The following PLPPR3 variants were observed in gnomAD, a reference collection of about 807,000 sequenced individuals.
The protein encoded by PLPPR3 is phospholipid phosphatase-related protein type 3.
In PLPPR3, 14 loss-of-function variants were observed where a neutral mutation model predicts 27.3. That is an observed-to-expected ratio of 0.51 (90% CI 0.34 to 0.80). PLPPR3 has a LOEUF of 0.80. Ranked by LOEUF, PLPPR3 falls within the 30% of genes least tolerant of loss-of-function variation. The pLI is 0.01. For missense variants in PLPPR3, 1,287 were observed against 1,056.9 expected (o/e 1.22, Z -3.02); for synonymous variants, 671 against 508.0 (o/e 1.32, Z -4.32).
Position 815,007 on chromosome 19 carries a change from G to A in PLPPR3, c.478C>T (p.Pro160Ser). 2 of 1,611,804 alleles carry A rather than the reference G, an allele frequency of 1.2e-6. No homozygotes were observed. The highest frequency in any genetic ancestry group is 1.1e-5 in the South Asian group (1 of 91,084). ...VIQLATGYHT[P>S]FFLTVCKPNY... ...GGCTTGCAGACGGTGAGGAAGAAGG[G>A]AGTGTGGTAACCCGTGGCCAGCTGG... Residue 160 changes from proline (P) to serine (S), a missense_variant, in exon 5 of 8, where the codon CCC (proline) becomes TCC (serine). Pro to Ser is a moderately conservative substitution (Grantham distance 74). Coordinates refer to ENST00000520876, the MANE Select transcript of PLPPR3 (RefSeq NM_001270366.2).
rs1387861933 is a variant in PLPPR3 at position 813,875 on chromosome 19, G to A, written c.852C>T (p.Asn284=). 2 of 1,440,982 alleles carry A rather than the reference G, an allele frequency of 1.4e-6. No homozygotes were observed. Among genetic ancestry groups the A allele is most frequent in the Admixed American group, 2.8e-5 (1 of 35,514 alleles). The allele number at this position is 1,440,982 out of a possible 1,614,324, so 89.3% of individuals were successfully genotyped here. Residue 284 remains asparagine, a synonymous_variant, in exon 8 of 8, where the codon AAC becomes AAT. Coordinates refer to ENST00000520876, the MANE Select transcript of PLPPR3 (RefSeq NM_001270366.2). The surrounding 1 kb of genome is among the most constrained non-coding windows in gnomAD (Gnocchi z 4.1). ...AAYLACHAVG[N]FQAPPAEKPA... ...GCTTCTCTGCAGGTGGGGCCTGGAAGTTGCCCACCGCGTGGCAGGCCTGTC... is the reference window on the plus strand; with the variant it reads ...GCTTCTCTGCAGGTGGGGCCTGGAAATTGCCCACCGCGTGGCAGGCCTGTC...
chr19:813,542 G>A lies in PLPPR3; in HGVS notation c.1185C>T (p.Ile395=), dbSNP rs1430371780. Residue 395 remains isoleucine, a synonymous_variant, in exon 8 of 8, where the codon ATC becomes ATT. Coordinates refer to ENST00000520876, the MANE Select transcript of PLPPR3 (RefSeq NM_001270366.2). This position sits in a 1 kb window ranked among gnomAD's most constrained non-coding sequence, Gnocchi z 4.1. ...AGCGCGAGGCGTCCAGCGGCACGTG[G>A]ATGGTCATGTGGCGGCGCGCGGGGT... The part of the protein sequence containing the change: ...LDDPARRHMT[I]HVPLDASRSK... The A allele has an allele frequency of 5.1e-6, 8 of 1,563,118 alleles. No individual in the cohort carries two copies. Among genetic ancestry groups the A allele is most frequent in the Non-Finnish European group, 6.9e-6 (8 of 1,156,042 alleles).
Position 812,539 on chromosome 19 carries a change from C to CCGG in PLPPR3, c.*30_*31insCCG. The CCGG allele has an allele frequency of 1.0e-6, 1 of 958,534 alleles. No individual in the cohort carries two copies. Among genetic ancestry groups the CCGG allele is most frequent in the Non-Finnish European group, 1.2e-6 (1 of 803,926 alleles). The allele number at this position is 958,534 out of a possible 1,614,324, so 59.4% of individuals were successfully genotyped here. On this transcript the variant is annotated 3_prime_UTR_variant, in exon 8 of 8. Transcript: ENST00000520876. ...CCGCGCGGCCGCCCGCGCCCTCGGCCCGCCCCCCGCCCGCCCCCGGCCCCG... is the reference window on the plus strand; with the variant it reads ...CCGCGCGGCCGCCCGCGCCCTCGGCCCGGCGCCCCCCGCCCGCCCCCGGCCCCG...
chr19:815,528 C>T (rs369617782), intron 3 of PLPPR3, 138 bp downstream of exon 3: 12 of 1,106,334 alleles, frequency 1.1e-5, no homozygotes, highest in Admixed American at 8.0e-5. Flanking sequence ...GCAGTGGCTG[C>T]GGTGCCCACA....
chr19:823,446 A>AAAAAAACAAAC (rs1555703854), upstream of PLPPR3, among the ~76,000 whole-genome samples: 23 of 84,268 alleles, frequency 2.7e-4, 1 homozygote, highest in African/African-American at 2.0e-3. Flanking sequence ...TATCTCAAAA[A>AAAAAAACAAAC]AAAAAAAAAA....
chr19:814,639 TC>T, intron 6 of PLPPR3, 32 bp from the exon 7 acceptor site: 1 of 1,610,210 alleles, frequency 6.2e-7, no homozygotes, highest in Non-Finnish European at 8.5e-7. Flanking sequence ...CAGGGAGGGC[TC>T]CCCACGGGTC....
intron 2 of PLPPR3, among the ~76,000 whole-genome samples, chr19:818,048 CG>C (rs1405360093): frequency 3.3e-5 from 5 of 152,034 alleles, no homozygotes; most frequent in Non-Finnish European, 5.9e-5. Context: ...GCATCAAGCC[CG>C]GGGAGGGTCT....
In PLPPR3 at chr19:815,264, G is replaced by A. The variant is rs761206323; in HGVS notation, c.325C>T (p.Pro109Ser). 1.2e-5 allele frequency: 18 copies of A among 1,562,876 alleles called. No individual in the cohort carries two copies. Among genetic ancestry groups the A allele is most frequent in the Non-Finnish European group, 1.6e-5 (18 of 1,156,702 alleles). The change falls in exon 4 of 8, where the codon CCC (proline) becomes TCC (serine). Residue 109 changes from proline (P) to serine (S), a missense_variant. Physicochemically the swap from Pro to Ser is moderately conservative, Grantham distance 74. Coordinates refer to ENST00000520876, the MANE Select transcript of PLPPR3 (RefSeq NM_001270366.2). Reference sequence around the variant, plus strand: ...TTGATGCTGCCCTCCGCCCCGGCGGGCCCCCCGGCACGGCCCCACAGCCGG... The same window carrying A: ...TTGATGCTGCCCTCCGCCCCGGCGGACCCCCCGGCACGGCCCCACAGCCGG... Reference protein sequence around the residue: ...QSRLWGRAGGPAGAEGSINAG... With the variant: ...QSRLWGRAGGSAGAEGSINAG...
chr19:820,579 G>C (rs937691922), intron 2 of PLPPR3, among the ~76,000 whole-genome samples: 2 of 151,878 alleles, frequency 1.3e-5, no homozygotes, highest in Non-Finnish European at 2.9e-5. Flanking sequence ...GAGTGCAGTG[G>C]CATGATCTCT....
rs79510915 is a variant in PLPPR3 at position 814,382 on chromosome 19, C to G, written c.831+52G>C. 1.2e-3 allele frequency: 1,847 copies of G among 1,520,842 alleles called. 20 individuals carry two copies. The African/African-American group carries it at 0.022, about 18-fold the overall frequency. 94.2% of individuals were successfully genotyped at this position (1,520,842 alleles called of 1,614,324 possible). A position where few individuals can be genotyped will look rare whatever the true frequency, so the allele number is the denominator to read the frequency against. ...GCCCTGTGGGCACTCATGCCTCCCC[C>G]CTCAGATCCCCTGGGAACCCATGCC... is the stretch of plus-strand genomic sequence containing the variant. On this transcript the variant is annotated intron_variant, in intron 7 of 7. Transcript: ENST00000520876.
chr19:812,865 A>G lies in PLPPR3; in HGVS notation c.1862T>C (p.Leu621Pro). 8.5e-7 allele frequency: 1 copy of G among 1,176,014 alleles called. No individual in the cohort carries two copies. Among genetic ancestry groups the G allele is most frequent in the East Asian group, 4.9e-5 (1 of 20,304 alleles). 72.8% of individuals were successfully genotyped at this position (1,176,014 alleles called of 1,614,324 possible). A position where few individuals can be genotyped will look rare whatever the true frequency, so the allele number is the denominator to read the frequency against. ...AKAEADGGYE[L>P]GDLARGFRGG... ...GCGGAAGCCGCGCGCCAGGTCCCCC[A>G]GCTCGTAGCCGCCGTCGGCCTCCGC... Residue 621 changes from leucine (L) to proline (P), a missense_variant, in exon 8 of 8, where the codon CTG becomes CCG. Physicochemically the swap from Leu to Pro is moderately conservative, Grantham distance 98. Transcript: ENST00000520876.
At chr19:821,081 G>A (rs2035136459) in intron 2 of PLPPR3, among the ~76,000 whole-genome samples, 2 of 152,172 alleles carry the variant, frequency 1.3e-5, no homozygotes, top group African/African-American at 4.8e-5. Context: ...TAGGGGCAGG[G>A]CACCAGCCTC....
chr19:814,337 G>C, intron 7 of PLPPR3, 97 bp downstream of exon 7: 2 of 1,251,098 alleles, frequency 1.6e-6, no homozygotes, highest in East Asian at 2.6e-5. Context: ...TCAGACCCCT[G>C]GGCCAGCCTC....
Position 814,954 on chromosome 19 carries a change from G to A in PLPPR3, c.531C>T (p.Cys177=), listed in dbSNP as rs199535728. The part of the protein sequence containing the change: ...KPNYTLLGTS[C]EVNPYITQDI... ...CCTGCGTGATGTAGGGGTTGACCTC[G>A]CAGGACGTGCCCAGGAGAGTGTAGT... is the stretch of plus-strand genomic sequence containing the variant. Residue 177 remains cysteine, a synonymous_variant, in exon 5 of 8, where the codon TGC becomes TGT. Transcript: ENST00000520876. The A allele has an allele frequency of 2.3e-5, 37 of 1,612,520 alleles. No homozygotes were observed. In the Admixed American group the frequency reaches 2.5e-4, roughly 11 times the overall value.
Position 812,919 on chromosome 19 carries a change from T to C in PLPPR3, c.1808A>G (p.Glu603Gly). The change falls in exon 8 of 8, where the codon GAG becomes GGG. Residue 603 changes from glutamate to glycine, a missense_variant. By Grantham distance (98) the Glu-to-Gly change is moderately conservative. Coordinates refer to ENST00000520876, the MANE Select transcript of PLPPR3 (RefSeq NM_001270366.2). Reference sequence around the variant, plus strand: ...GGCCCCGCCGCCCGCCGCCTTCCACTCCCAGGGCGCGCCGCCGGCCGACAG... The same window carrying C: ...GGCCCCGCCGCCCGCCGCCTTCCACCCCCAGGGCGCGCCGCCGGCCGACAG... ...VHLSAGGAPW[E>G]WKAAGGGAKA... The C allele has an allele frequency of 1.5e-6, 2 of 1,323,330 alleles. No homozygotes were observed. Among genetic ancestry groups the C allele is most frequent in the Non-Finnish European group, 1.9e-6 (2 of 1,033,516 alleles). 82.0% of individuals were successfully genotyped at this position (1,323,330 alleles called of 1,614,324 possible).
Position 812,855 on chromosome 19 carries a change from C to T in PLPPR3, c.1872G>A (p.Leu624=). ...EADGGYELGD[L]ARGFRGGAKP... ...TGGCCCCGCCGCGGAAGCCGCGCGC[C>T]AGGTCCCCCAGCTCGTAGCCGCCGT... The change falls in exon 8 of 8, where the codon CTG becomes CTA. Residue 624 remains leucine (L), a synonymous_variant. Transcript: ENST00000520876. 4 of 1,157,050 alleles carry T rather than the reference C, an allele frequency of 3.5e-6. No individual in the cohort carries two copies. Among genetic ancestry groups the T allele is most frequent in the East Asian group, 5.0e-5 (1 of 19,856 alleles). 71.7% of individuals were successfully genotyped at this position (1,157,050 alleles called of 1,614,324 possible). A position where few individuals can be genotyped will look rare whatever the true frequency, so the allele number is the denominator to read the frequency against.
intron 2 of PLPPR3, among the ~76,000 whole-genome samples, chr19:818,405 A>C (rs899258375): frequency 9.2e-5 from 14 of 151,710 alleles, no homozygotes; most frequent in Admixed American, 7.9e-4. Flanking sequence ...TAATAAATAA[A>C]ATAATAATAA....
At position 813,793 on chromosome 19, in the gene PLPPR3, C is replaced by T. The variant is rs779560227; in HGVS notation, c.934G>A (p.Asp312Asn). 1.8e-4 allele frequency: 273 copies of T among 1,525,054 alleles called. No homozygotes were observed. Among genetic ancestry groups the T allele is most frequent in the Middle Eastern group, 3.3e-4 (2 of 5,976 alleles). The allele number at this position is 1,525,054 out of a possible 1,614,324, so 94.5% of individuals were successfully genotyped here. The change falls in exon 8 of 8, where the codon GAC (aspartate) becomes AAC (asparagine). Residue 312 changes from aspartate to asparagine, a missense_variant. By Grantham distance (23) the Asp-to-Asn change is conservative. Transcript: ENST00000520876. The surrounding 1 kb of genome is among the most constrained non-coding windows in gnomAD (Gnocchi z 4.1). ...GACTTATTCTGCTGATAAACCGAGT[C>T]GTGGCCCCGCTGCGTCAGGGCCCGC... is the stretch of plus-strand genomic sequence containing the variant. ...ALRALTQRGH[D>N]SVYQQNKSVS...
At position 813,214 on chromosome 19, in the gene PLPPR3, C is replaced by T. The variant is rs761534393; in HGVS notation, c.1513G>A (p.Ala505Thr). 7 of 1,490,470 alleles carry T rather than the reference C, an allele frequency of 4.7e-6. No individual in the cohort carries two copies. Among genetic ancestry groups the T allele is most frequent in the African/African-American group, 4.4e-5 (3 of 67,436 alleles). The allele number at this position is 1,490,470 out of a possible 1,614,324, so 92.3% of individuals were successfully genotyped here. ...HIPEEGAQTG[A>T]GLSPKSGAGV... ...GCGCCGCTTTTGGGGGACAGGCCGG[C>T]CCCCGTCTGCGCGCCCTCCTCCGGG... The change falls in exon 8 of 8, where the codon GCC becomes ACC. Residue 505 changes from alanine (A) to threonine (T), a missense_variant. By Grantham distance (58) the Ala-to-Thr change is moderately conservative. Coordinates refer to ENST00000520876, the MANE Select transcript of PLPPR3 (RefSeq NM_001270366.2). This position sits in a 1 kb window ranked among gnomAD's most constrained non-coding sequence, Gnocchi z 4.1.
Sources: allele counts gnomAD v4.1 joint callset (sites outside exome capture counted in the v4.1 genomes callset), GRCh38; gene constraint gnomAD v4.1.1; non-coding constraint Gnocchi (gnomAD v3.1); transcripts MANE v1.5; gene names NCBI Gene and HGNC (gene_info 2026-07-23, HGNC 2026-07-21).